The following HIF1A variants were observed in gnomAD, a reference collection of about 807,000 sequenced individuals.
HIF1A encodes the protein hypoxia inducible factor 1 subunit alpha.
Under a neutral mutation model 92.7 loss-of-function variants are expected in HIF1A, and 24 were observed. That is an observed-to-expected ratio of 0.26 (90% CI 0.19 to 0.36). The LOEUF (loss-of-function observed/expected upper bound fraction) is 0.36, where lower values mean the gene tolerates loss of function less well. HIF1A is among the 10% of genes least tolerant of loss of function. The pLI, the probability that HIF1A is intolerant of heterozygous loss-of-function variation, is 1.00. For synonymous variants in HIF1A, 319 were observed against 338.7 expected (o/e 0.94, Z 0.64); for missense variants, 799 against 998.5 (o/e 0.80, Z 2.69).
At position 61,738,119 on chromosome 14, in the gene HIF1A, G is replaced by A. The variant is rs2044661258; in HGVS notation, c.1282G>A (p.Val428Ile). ...AACTGATGACCAGCAACTTGAGGAA[G>A]TACCATTATATAATGATGTAATGCT... ...TETDDQQLEE[V>I]PLYNDVMLPS... The change falls in exon 10 of 15, where the codon GTA becomes ATA. Residue 428 changes from valine to isoleucine, a missense_variant. Coordinates refer to ENST00000337138, the MANE Select transcript of HIF1A (RefSeq NM_001530.4). 4 of 1,609,118 alleles carry A rather than the reference G, an allele frequency of 2.5e-6. No individual in the cohort carries two copies. Among genetic ancestry groups the A allele is most frequent in the Non-Finnish European group, 3.4e-6 (4 of 1,177,684 alleles).
chr14:61,732,835 G>A (rs1025534584), intron 7 of HIF1A, among the ~76,000 whole-genome samples: 2 of 152,298 alleles, frequency 1.3e-5, no homozygotes, highest in East Asian at 3.9e-4. Context: ...ACAGTGGTTG[G>A]TATGTAAAAG....
intron 4 of HIF1A, among the ~76,000 whole-genome samples, chr14:61,725,222 C>T (rs2044488582): frequency 6.6e-6 from 1 of 152,170 alleles, no homozygotes; most frequent in Non-Finnish European, 1.5e-5. Context: ...CAAGTACCAA[C>T]TCTACATTGT....
intron 10 of HIF1A, among the ~76,000 whole-genome samples, chr14:61,739,650 T>G (rs897891094): frequency 1.3e-5 from 2 of 152,222 alleles, no homozygotes; most frequent in African/African-American, 4.8e-5. Context: ...AACGTTAGAA[T>G]GAGGAAAGCA....
chr14:61,720,528 G>A lies in HIF1A; in HGVS notation c.182G>A (p.Arg61Lys). Residue 61 changes from arginine (R) to lysine (K), a missense_variant, in exon 2 of 15, where the codon AGG becomes AAG. By Grantham distance (26) the Arg-to-Lys change is conservative. This residue lies in a region of HIF1A where 516 missense variants were observed against 721.0 expected (regional missense o/e 0.72). Coordinates refer to ENST00000337138, the MANE Select transcript of HIF1A (RefSeq NM_001530.4). ...CATCTTGATAAGGCCTCTGTGATGA[G>A]GCTTACCATCAGCTATTTGCGTGTG... ...SSHLDKASVM[R>K]LTISYLRVRK... 1 of 1,610,076 alleles carries A rather than the reference G, an allele frequency of 6.2e-7. No individual in the cohort carries two copies. The highest frequency in any genetic ancestry group is 8.5e-7 in the Non-Finnish European group (1 of 1,178,386).
chr14:61,699,730 C>T (rs1319783941), intron 1 of HIF1A, among the ~76,000 whole-genome samples: 1 of 152,028 alleles, frequency 6.6e-6, no homozygotes, highest in East Asian at 1.9e-4. Flanking sequence ...AACTTTGTGA[C>T]TAGTTATCCA....
At chr14:61,722,240 A>G (rs1006462477) in intron 4 of HIF1A, among the ~76,000 whole-genome samples, 3 of 152,108 alleles carry the variant, frequency 2.0e-5, no homozygotes, top group African/African-American at 7.2e-5. Context: ...GCGTGCTACC[A>G]TGCCCAGCTA....
At position 61,697,996 on chromosome 14, in the gene HIF1A, G is replaced by T. The variant is rs528750635; in HGVS notation, c.35+2157G>T. 1.2e-5 allele frequency: 14 copies of T among 1,173,000 alleles called. No homozygotes were observed. In the East Asian group the frequency reaches 3.9e-4, roughly 33 times the overall value. 72.7% of individuals were successfully genotyped at this position (1,173,000 alleles called of 1,614,324 possible). The stretch of plus-strand genomic sequence containing the variant: ...GTAGATTTAACGCAGGACATTTCAT[G>T]TTGTTCCTAGTTATAGGGGCTGAAC... On this transcript the variant is annotated intron_variant, in intron 1 of 14. Transcript: ENST00000337138.
In HIF1A at chr14:61,732,456, T is replaced by C; in HGVS notation, c.812T>C (p.Leu271Ser). The C allele has an allele frequency of 1.2e-6, 2 of 1,612,116 alleles. No homozygotes were observed. Among genetic ancestry groups the C allele is most frequent in the Non-Finnish European group, 1.7e-6 (2 of 1,178,378 alleles). Residue 271 changes from leucine (L) to serine (S), a missense_variant, in exon 7 of 15, where the codon TTA (leucine) becomes TCA (serine). Transcript: ENST00000337138. ...ELMGYEPEELLGRSIYEYYHA... is the reference protein window; with the variant it reads ...ELMGYEPEELSGRSIYEYYHA... ...ATGGGATATGAGCCAGAAGAACTTTTAGGCCGCTCAATTTATGAATATTAT... is the reference window on the plus strand; with the variant it reads ...ATGGGATATGAGCCAGAAGAACTTTCAGGCCGCTCAATTTATGAATATTAT...
rs1311840912 is a variant in HIF1A at position 61,740,532 on chromosome 14, T to C, written c.1564T>C (p.Tyr522His). 2 of 1,593,922 alleles carry C rather than the reference T, an allele frequency of 1.3e-6. No individual in the cohort carries two copies. Among genetic ancestry groups the C allele is most frequent in the East Asian group, 2.2e-5 (1 of 44,744 alleles). ...TAATAGTCCCAGTGAATATTGTTTT[T>C]ATGTGGATAGTGATATGGTCAATGA... ...EPNSPSEYCF[Y>H]VDSDMVNEFK... Residue 522 changes from tyrosine to histidine, a missense_variant, in exon 11 of 15, where the codon TAT (tyrosine) becomes CAT (histidine). This residue lies in a region of HIF1A where 516 missense variants were observed against 721.0 expected (regional missense o/e 0.72). Transcript: ENST00000337138.
At chr14:61,709,007 C>G (rs953004729) in intron 1 of HIF1A, among the ~76,000 whole-genome samples, 5 of 152,190 alleles carry the variant, frequency 3.3e-5, no homozygotes, top group African/African-American at 9.7e-5. Context: ...AGTTGATTCT[C>G]CTGCCTCAGC....
chr14:61,727,800 G>T lies in HIF1A; in HGVS notation c.773+145G>T, dbSNP rs555710418. ...CACTTTGGAAGGCTGAGGCAAGCGG[G>T]GGGTGGATCATCTGAGGTCAGGAGA... On this transcript the variant is annotated intron_variant, in intron 6 of 14. Coordinates refer to ENST00000337138, the MANE Select transcript of HIF1A (RefSeq NM_001530.4). The T allele has an allele frequency of 7.5e-5, 48 of 643,804 alleles. No homozygotes were observed. In the South Asian group the frequency reaches 7.9e-4, roughly 11 times the overall value. 39.9% of individuals were successfully genotyped at this position (643,804 alleles called of 1,614,324 possible).
rs954810599 is a variant in HIF1A at position 61,746,799 on chromosome 14, G to A, written c.2330-135G>A. ...ATTATACTTACTTTTTAACATAGTT[G>A]TGGTTTTGCCAGGTAAACTAAAAAC... On this transcript the variant is annotated intron_variant, in intron 14 of 14. Coordinates refer to ENST00000337138, the MANE Select transcript of HIF1A (RefSeq NM_001530.4). 9.4e-5 allele frequency: 56 copies of A among 595,546 alleles called. No individual in the cohort carries two copies. The East Asian group carries it at 1.6e-3, about 17-fold the overall frequency. 36.9% of individuals were successfully genotyped at this position (595,546 alleles called of 1,614,324 possible). A position where few individuals can be genotyped will look rare whatever the true frequency, so the allele number is the denominator to read the frequency against.
At chr14:61,707,859 C>G (rs1405454160) in intron 1 of HIF1A, among the ~76,000 whole-genome samples, 2 of 151,782 alleles carry the variant, frequency 1.3e-5, no homozygotes, top group Non-Finnish European at 2.9e-5. Flanking sequence ...ATTTCTAGTT[C>G]TAGATCCCTG....
chr14:61,717,801 C>T (rs185305173), intron 1 of HIF1A, among the ~76,000 whole-genome samples: 10 of 152,096 alleles, frequency 6.6e-5, no homozygotes, highest in Admixed American at 3.9e-4. Context: ...GCGGGTGGAT[C>T]ACTTGAGGTC....
intron 14 of HIF1A, 124 bp from the exon 15 acceptor site, chr14:61,746,810 A>G: frequency 1.5e-6 from 1 of 663,514 alleles, no homozygotes; most frequent in Non-Finnish European, 2.5e-6. Context: ...TGGTTTTGCC[A>G]GGTAAACTAA....
At chr14:61,742,354 G>C (rs1435600708) in intron 12 of HIF1A, among the ~76,000 whole-genome samples, 1 of 152,162 alleles carries the variant, frequency 6.6e-6, no homozygotes, top group African/African-American at 2.4e-5. Context: ...AGAACACATA[G>C]CTTTTTTCCC....
chr14:61,738,294 A>G lies in HIF1A; in HGVS notation c.1457A>G (p.Glu486Gly). 8.7e-6 allele frequency: 14 copies of G among 1,614,172 alleles called. No individual in the cohort carries two copies. Among genetic ancestry groups the G allele is most frequent in the Non-Finnish European group, 1.2e-5 (14 of 1,180,018 alleles). Residue 486 changes from glutamate to glycine, a missense_variant, in exon 10 of 15, where the codon GAA (glutamate) becomes GGA (glycine). Physicochemically the swap from Glu to Gly is moderately conservative, Grantham distance 98 (BLOSUM62 -2). Coordinates refer to ENST00000337138, the MANE Select transcript of HIF1A (RefSeq NM_001530.4). ...TTAGAACCAAATCCAGAGTCACTGG[A>G]ACTTTCTTTTACCATGCCCCAGATT... Reference protein sequence around the residue: ...LKLEPNPESLELSFTMPQIQD... With the variant: ...LKLEPNPESLGLSFTMPQIQD...
At chr14:61,745,465 T>G (rs1158950025) in intron 13 of HIF1A, 2 of 526,382 alleles carry the variant, frequency 3.8e-6, no homozygotes, top group East Asian at 6.9e-5. Context: ...AAGTCAATGG[T>G]GGTATAATAC....
At chr14:61,744,098 A>G (rs2044746369) in intron 12 of HIF1A, among the ~76,000 whole-genome samples, 2 of 152,218 alleles carry the variant, frequency 1.3e-5, no homozygotes, top group South Asian at 2.1e-4. Context: ...AGTCCCAACA[A>G]TATCACTGCA....
Sources: gnomAD v4.1 joint callset for allele counts (sites outside exome capture counted in the v4.1 genomes callset) on GRCh38, gnomAD v4.1.1 for gene constraint, gnomAD v4.1.1 regional missense constraint, MANE v1.5 for transcripts, NCBI Gene and HGNC (gene_info 2026-07-23, HGNC 2026-07-21) for gene names.